GAS2: variants seen among roughly 807,000 people sequenced by gnomAD.
The protein encoded by GAS2 is growth arrest-specific protein 2.
GAS2 carries 20 observed loss-of-function variants against 37.5 expected under a neutral mutation model. The observed-to-expected ratio is 0.53, with a 90% CI of 0.37 to 0.77. GAS2 has a LOEUF of 0.77. GAS2 is among the 30% of genes least tolerant of loss of function. The pLI, the probability that GAS2 is intolerant of heterozygous loss-of-function variation, is 0.00. For synonymous variants in GAS2, 144 were observed against 132.2 expected (o/e 1.09, Z -0.61); for missense variants, 336 against 373.4 (o/e 0.90, Z 0.82).
At chr11:22,727,764 G>A (rs11026755) in intron 4 of GAS2, among the ~76,000 whole-genome samples, 21,878 of 151,872 alleles carry the variant, frequency 0.14, 1,705 homozygotes, top group East Asian at 0.2. Context: ...GAAGATGTGT[G>A]CGTACATAGA....
upstream of GAS2, among the ~76,000 whole-genome samples, chr11:22,665,821 T>C (rs1848975199): frequency 6.6e-6 from 1 of 152,218 alleles, no homozygotes; most frequent in African/African-American, 2.4e-5. Context: ...GATGTACAGG[T>C]AGTTTCTATT....
intron 7 of GAS2, among the ~76,000 whole-genome samples, chr11:22,787,019 A>G (rs151189835): frequency 1.3e-5 from 2 of 152,304 alleles, no homozygotes; most frequent in East Asian, 3.9e-4. Flanking sequence ...ATGCATCCCA[A>G]TAATCACTTT....
At chr11:22,655,599 A>T (rs555863434) in intron 1 of GAS2, among the ~76,000 whole-genome samples, 3 of 152,190 alleles carry the variant, frequency 2.0e-5, no homozygotes, top group African/African-American at 7.2e-5. Flanking sequence ...GAAATTACCA[A>T]TTTTCTTTGG....
intron 7 of GAS2, among the ~76,000 whole-genome samples, chr11:22,789,423 G>GATATAT (rs1491294585): frequency 1.4e-4 from 10 of 71,162 alleles, no homozygotes; most frequent in East Asian, 1.0e-3. Context: ...TATCTCATAT[G>GATATAT]AGATATATAT....
At position 22,779,040 on chromosome 11, in the gene GAS2, TTTTTG is replaced by T. The variant is rs201123571; in HGVS notation, c.723+23092_723+23096del. Among the ~76,000 whole-genome samples, 566 of 144,914 alleles carry T rather than the reference TTTTTG, an allele frequency of 3.9e-3. 4 individuals carry two copies. The highest frequency in any genetic ancestry group is 0.014 in the African/African-American group (542 of 39,050). ...GGGCAAAACAATGATCCCATTAAGT[TTTTTG>T]TTTTTTTTTTTTTCTCTTCAGTGTT... On this transcript the variant is annotated intron_variant, in intron 7 of 7. Transcript: ENST00000454584.
chr11:22,677,029 G>T (rs1040925564), intron 2 of GAS2, among the ~76,000 whole-genome samples: 1 of 152,098 alleles, frequency 6.6e-6, no homozygotes, highest in African/African-American at 2.4e-5. Context: ...AGTCATCTAG[G>T]TACTAGAGGA....
chr11:22,763,446 A>G (rs1854505649), intron 7 of GAS2, among the ~76,000 whole-genome samples: 1 of 152,170 alleles, frequency 6.6e-6, no homozygotes, highest in Admixed American at 6.5e-5. Flanking sequence ...GCATGGTTCA[A>G]ATTTCATATT....
chr11:22,789,966 C>T (rs146123281), intron 7 of GAS2, among the ~76,000 whole-genome samples: 287 of 152,196 alleles, frequency 1.9e-3, no homozygotes, highest in African/African-American at 6.3e-3. Flanking sequence ...CATGGCTCTC[C>T]GGGTCTGTTC....
intron 3 of GAS2, among the ~76,000 whole-genome samples, chr11:22,715,783 G>T (rs1052805124): frequency 6.6e-6 from 1 of 151,950 alleles, no homozygotes; most frequent in Non-Finnish European, 1.5e-5. Flanking sequence ...AGAAGAATTG[G>T]TACCAATCCT....
chr11:22,740,440 G>A (rs989086114), intron 5 of GAS2, among the ~76,000 whole-genome samples: 1 of 152,016 alleles, frequency 6.6e-6, no homozygotes, highest in African/African-American at 2.4e-5. Context: ...AACTTGGATG[G>A]TGTGAACTAT....
intron 1 of GAS2, among the ~76,000 whole-genome samples, chr11:22,634,571 C>G (rs910315795): frequency 6.6e-6 from 1 of 152,118 alleles, no homozygotes; most frequent in African/African-American, 2.4e-5. Context: ...TCACGGGGTG[C>G]TCCCTTGATG....
chr11:22,759,876 C>A (rs557816667), intron 7 of GAS2, among the ~76,000 whole-genome samples: 1 of 152,176 alleles, frequency 6.6e-6, no homozygotes, highest in Non-Finnish European at 1.5e-5. Context: ...ATCAAGAAGT[C>A]ACTTGGCAAT....
intron 7 of GAS2, among the ~76,000 whole-genome samples, chr11:22,769,450 G>T (rs1854864097): frequency 6.6e-6 from 1 of 152,196 alleles, no homozygotes; most frequent in African/African-American, 2.4e-5. Flanking sequence ...TGGCACCAGT[G>T]ACATGAACAG....
chr11:22,630,386 A>G (rs1454381674), intron 1 of GAS2, among the ~76,000 whole-genome samples: 1 of 152,152 alleles, frequency 6.6e-6, no homozygotes, highest in African/African-American at 2.4e-5. Context: ...GGACATAGGC[A>G]TGGGCAAGAA....
At chr11:22,630,901 G>A (rs113313764) in intron 1 of GAS2, among the ~76,000 whole-genome samples, 38 of 152,270 alleles carry the variant, frequency 2.5e-4, no homozygotes, top group African/African-American at 8.9e-4. Context: ...TATTTTAATA[G>A]GAACTGCATT....
chr11:22,701,009 T>G (rs1413569327), intron 3 of GAS2, among the ~76,000 whole-genome samples: 1 of 152,224 alleles, frequency 6.6e-6, no homozygotes, highest in Non-Finnish European at 1.5e-5. Context: ...GAAATGAGAA[T>G]ATTAGAACCT....
chr11:22,771,623 A>C (rs2134429955), intron 7 of GAS2, among the ~76,000 whole-genome samples: 1 of 152,316 alleles, frequency 6.6e-6, no homozygotes, highest in Admixed American at 6.5e-5. Context: ...AAATATTAAT[A>C]ATTATATCTA....
intron 2 of GAS2, among the ~76,000 whole-genome samples, chr11:22,682,887 G>GGAAAAAAAAAAAAAAAAAAAAAAAA (rs1849757390): frequency 1.4e-5 from 1 of 73,660 alleles, no homozygotes; most frequent in Admixed American, 1.3e-4. Flanking sequence ...AAAAAAAAAA[G>GGAAAAAAAAAAAAAAAAAAAAAAAA]GAAAAAAAAA....
At chr11:22,694,182 G>A (rs1237583371) in intron 3 of GAS2, among the ~76,000 whole-genome samples, 1 of 152,038 alleles carries the variant, frequency 6.6e-6, no homozygotes, top group African/African-American at 2.4e-5. Context: ...AAAAAAATAA[G>A]AATTTAGGGA....
Sources: gnomAD v4.1 joint callset for allele counts (sites outside exome capture counted in the v4.1 genomes callset) on GRCh38, gnomAD v4.1.1 for gene constraint, MANE v1.5 for transcripts, NCBI Gene and HGNC (gene_info 2026-07-23, HGNC 2026-07-21) for gene names.